Variants in VAMP4 observed in about 807,000 individuals in gnomAD.
VAMP4 encodes the protein vesicle associated membrane protein 4, also known as vesicle-associated membrane protein 4.
VAMP4 carries 19 observed loss-of-function variants against 23.5 expected under a neutral mutation model. The ratio of observed to expected loss-of-function variants is 0.81; its 90% CI spans 0.56 to 1.19. The LOEUF (loss-of-function observed/expected upper bound fraction) is 1.19. VAMP4 is among the 50% of genes most tolerant of loss of function. The pLI is 0.00. For missense variants in VAMP4, 145 were observed against 168.6 expected, an observed-to-expected ratio of 0.86 and a Z score of 0.78; for synonymous variants, 31 against 51.0, an observed-to-expected ratio of 0.61 and a Z score of 1.67.
intron 2 of VAMP4, among the ~76,000 whole-genome samples, chr1:171,730,494 G>T (rs1655525902): frequency 6.6e-6 from 1 of 152,212 alleles, no homozygotes; most frequent in Non-Finnish European, 1.5e-5. Flanking sequence ...GAAGCTGGGA[G>T]TGGGAGAGTG....
intron 1 of VAMP4, among the ~76,000 whole-genome samples, chr1:171,738,925 A>T (rs569915744): frequency 7.9e-5 from 12 of 152,316 alleles, no homozygotes; most frequent in African/African-American, 2.6e-4. Flanking sequence ...AAATTGGATA[A>T]TACATGCAAA....
At chr1:171,737,832 T>C (rs529910750) in intron 2 of VAMP4, among the ~76,000 whole-genome samples, 1 of 152,336 alleles carries the variant, frequency 6.6e-6, no homozygotes, top group African/African-American at 2.4e-5. Flanking sequence ...AAAGAAGCTA[T>C]GAGAATAATG....
intron 3 of VAMP4, among the ~76,000 whole-genome samples, chr1:171,720,183 A>C (rs1655147265): frequency 6.6e-6 from 1 of 151,990 alleles, no homozygotes; most frequent in South Asian, 2.1e-4. Context: ...AGTGATGTTA[A>C]ACATTGAATT....
intron 4 of VAMP4, among the ~76,000 whole-genome samples, chr1:171,718,008 T>C (rs766577452): frequency 1.3e-5 from 2 of 152,124 alleles, no homozygotes; most frequent in Non-Finnish European, 2.9e-5. Flanking sequence ...GCCATCTTGT[T>C]AAACCTGAGC....
intron 3 of VAMP4, among the ~76,000 whole-genome samples, chr1:171,722,543 G>T (rs1226793304): frequency 6.6e-6 from 1 of 151,950 alleles, no homozygotes; most frequent in South Asian, 2.1e-4. Context: ...TACAAAGAAC[G>T]TAAAGAAATT....
Position 171,707,446 on chromosome 1 carries a change from C to G in VAMP4, c.346-1028G>C, listed in dbSNP as rs143508183. 3.9e-5 allele frequency among the ~76,000 whole-genome samples: 6 copies of G among 152,258 alleles called. No individual in the cohort carries two copies. The South Asian group carries it at 8.3e-4, about 21-fold the overall frequency. On this transcript the variant is annotated intron_variant, in intron 6 of 7. Transcript: ENST00000236192. ...GACCTGTTGTGAGTCTCCAACTGCA[C>G]GACATCCCCCTTAGCCACTGGCAAC... is the stretch of plus-strand genomic sequence containing the variant.
rs1654562992 is a variant in VAMP4, at chr1:171,703,936, TA to T, written c.*569del. 6.6e-6 allele frequency: 1 copy of T among 152,446 alleles called. No homozygotes were observed. The highest frequency in any genetic ancestry group is 1.5e-5 in the Non-Finnish European group (1 of 67,900). 9.4% of individuals were successfully genotyped at this position (152,446 alleles called of 1,614,324 possible). On this transcript the variant is annotated 3_prime_UTR_variant, in exon 8 of 8. Coordinates refer to ENST00000236192, the MANE Select transcript of VAMP4 (RefSeq NM_003762.5). ...ACATTCTCTTACACAGTCAAAAATA[TA>T]TTTACTGGAATGTTTTTAGTTATAC...
intron 6 of VAMP4, among the ~76,000 whole-genome samples, chr1:171,708,408 T>C (rs1276155478): frequency 2.8e-5 from 4 of 143,754 alleles, no homozygotes; most frequent in African/African-American, 1.0e-4. Flanking sequence ...TAAAATAGAA[T>C]AGAAAATTTA....
chr1:171,734,858 G>A (rs551374246), intron 2 of VAMP4, among the ~76,000 whole-genome samples: 50 of 152,042 alleles, frequency 3.3e-4, no homozygotes, highest in Non-Finnish European at 5.6e-4. Context: ...GGAATTTATT[G>A]AGACAATACA....
chr1:171,722,671 A>G (rs961451473), intron 3 of VAMP4, among the ~76,000 whole-genome samples: 1 of 152,282 alleles, frequency 6.6e-6, no homozygotes, highest in Non-Finnish European at 1.5e-5. Flanking sequence ...ATCATCACTG[A>G]CCATCAGAGA....
rs531174405 is a variant in VAMP4 at position 171,700,314 on chromosome 1, A to G, written c.*4192T>C. On this transcript the variant is annotated 3_prime_UTR_variant, in exon 8 of 8. Transcript: ENST00000236192. Reference sequence around the variant, plus strand: ...AGGGAACAGGGCACATGACATTTACATTTGCTCATCTCCCACTATACATTT... The same window carrying G: ...AGGGAACAGGGCACATGACATTTACGTTTGCTCATCTCCCACTATACATTT... The G allele has an allele frequency of 1.1e-4, 17 of 152,282 alleles. No individual in the cohort carries two copies. Among genetic ancestry groups the G allele is most frequent in the African/African-American group, 3.6e-4 (15 of 41,560 alleles). The allele number at this position is 152,282 out of a possible 1,614,324, so 9.4% of individuals were successfully genotyped here.
At chr1:171,737,969 TA>T (rs113513098) in intron 2 of VAMP4, among the ~76,000 whole-genome samples, 24,826 of 152,174 alleles carry the variant, frequency 0.16, 2,458 homozygotes, top group African/African-American at 0.28. Context: ...TTTCTGTTGT[TA>T]TTATTATTAG....
chr1:171,703,879 T>C lies in VAMP4; in HGVS notation c.*627A>G, dbSNP rs1390729665. The stretch of plus-strand genomic sequence containing the variant: ...TTTTCACACTGTTTAAAAATTTCCA[T>C]TTCCATAATCCAATGCCAAAAAAAT... On this transcript the variant is annotated 3_prime_UTR_variant, in exon 8 of 8. Coordinates refer to ENST00000236192, the MANE Select transcript of VAMP4 (RefSeq NM_003762.5). 1 of 152,376 alleles carries C rather than the reference T, an allele frequency of 6.6e-6. No individual in the cohort carries two copies. Among genetic ancestry groups the C allele is most frequent in the East Asian group, 1.9e-4 (1 of 5,188 alleles). The allele number at this position is 152,376 out of a possible 1,614,324, so 9.4% of individuals were successfully genotyped here. A position where few individuals can be genotyped will look rare whatever the true frequency, so the allele number is the denominator to read the frequency against.
intron 2 of VAMP4, among the ~76,000 whole-genome samples, chr1:171,737,174 GCTTTGCAAGGGCACAGA>G (rs1230912045): frequency 1.3e-5 from 2 of 152,144 alleles, no homozygotes; most frequent in Non-Finnish European, 2.9e-5. Context: ...CAGACTAAAA[GCTTTGCAAGGGCACAGA>G]CTATGTCTTC....
At chr1:171,728,778 A>C (rs1655457902) in intron 2 of VAMP4, among the ~76,000 whole-genome samples, 1 of 152,240 alleles carries the variant, frequency 6.6e-6, no homozygotes, top group Non-Finnish European at 1.5e-5. Context: ...TCATAATTAT[A>C]GAATCCTATA....
At chr1:171,733,705 T>C (rs758945870) in intron 2 of VAMP4, among the ~76,000 whole-genome samples, 5 of 152,144 alleles carry the variant, frequency 3.3e-5, no homozygotes, top group Admixed American at 2.6e-4. Context: ...GTGGAGAAAT[T>C]AGAATCATCA....
intron 1 of VAMP4, among the ~76,000 whole-genome samples, chr1:171,740,200 T>A (rs1297545532): frequency 6.6e-6 from 1 of 152,224 alleles, no homozygotes; most frequent in Non-Finnish European, 1.5e-5. Flanking sequence ...TGGCTGTGCA[T>A]TATCAGTTTT....
At chr1:171,738,007 G>A (rs1655796905) in intron 2 of VAMP4, among the ~76,000 whole-genome samples, 1 of 152,132 alleles carries the variant, frequency 6.6e-6, no homozygotes, top group African/African-American at 2.4e-5. Flanking sequence ...ACAGGGTCTT[G>A]CTCTGTTGCT....
chr1:171,739,969 T>C (rs568933694), intron 1 of VAMP4, among the ~76,000 whole-genome samples: 2 of 152,396 alleles, frequency 1.3e-5, no homozygotes, highest in Admixed American at 6.5e-5. Context: ...TTTGACTAGA[T>C]GGTAGATGAA....
Sources: gnomAD v4.1 joint callset for allele counts (sites outside exome capture counted in the v4.1 genomes callset) on GRCh38, gnomAD v4.1.1 for gene constraint, MANE v1.5 for transcripts, NCBI Gene and HGNC (gene_info 2026-07-23, HGNC 2026-07-21) for gene names.